Variants in TPO observed in about 807,000 individuals in gnomAD.
TPO encodes the protein thyroid peroxidase, also known as thyroid microsomal antigen.
A neutral mutation model predicts 96.9 loss-of-function variants in TPO; 78 were observed. The observed-to-expected ratio is 0.81, with a 90% confidence interval of 0.67 to 0.97. The LOEUF (loss-of-function observed/expected upper bound fraction) is 0.97, where lower values mean the gene tolerates loss of function less well. Among genes scored for constraint, TPO ranks in the 50% least tolerant of loss-of-function variants. The probability of loss-of-function intolerance (pLI) is 0.00; values close to 1 mark genes in which losing one functional copy is unlikely to be tolerated. For missense variants in TPO, 1,252 were observed against 1,274.8 expected (o/e 0.98, Z 0.27); for synonymous variants, 547 against 538.0 (o/e 1.02, Z -0.23).
At chr2:1,378,604 G>A (rs1266044117) in intron 1 of TPO, among the ~76,000 whole-genome samples, 2 of 152,338 alleles carry the variant, frequency 1.3e-5, no homozygotes, top group African/African-American at 4.8e-5. Context: ...GCCCAGGCTC[G>A]GCCAGGGCTG....
At position 1,543,630 on chromosome 2, in the gene TPO, T is replaced by C. The variant is rs1572067892; in HGVS notation, c.*1156T>C. ...GTTCCCAAACTCTTAGTTTTGTTCATGTAAAACTCATGATTTCATAATTAA... is the reference window on the plus strand; with the variant it reads ...GTTCCCAAACTCTTAGTTTTGTTCACGTAAAACTCATGATTTCATAATTAA... On this transcript the variant is annotated 3_prime_UTR_variant, in exon 17 of 17. Transcript: ENST00000329066. 6.6e-6 allele frequency: 1 copy of C among 152,204 alleles called. No individual in the cohort carries two copies. The highest frequency in any genetic ancestry group is 2.1e-4 in the South Asian group (1 of 4,828). The allele number at this position is 152,204 out of a possible 1,614,324, so 9.4% of individuals were successfully genotyped here.
Position 1,480,437 on chromosome 2 carries a change from T to C in TPO, c.1338+2833T>C, listed in dbSNP as rs765129793. Among the ~76,000 whole-genome samples, 16 of 152,052 alleles carry C rather than the reference T, an allele frequency of 1.1e-4. No homozygotes were observed. In the South Asian group the frequency reaches 1.2e-3, roughly 12 times the overall value. On this transcript the variant is annotated intron_variant, in intron 8 of 16. Coordinates refer to ENST00000329066, the MANE Select transcript of TPO (RefSeq NM_001206744.2). The stretch of plus-strand genomic sequence containing the variant: ...TCTCCCTGGTTCTACCGACTCGTAG[T>C]TTGGTAACTTTGTAATCTGAATCTC...
intron 10 of TPO, among the ~76,000 whole-genome samples, chr2:1,493,210 G>C (rs528877276): frequency 4.6e-5 from 3 of 65,232 alleles, no homozygotes; most frequent in Non-Finnish European, 6.2e-5. Context: ...GTGAGTGGGT[G>C]GGGGGGGGGG....
At chr2:1,497,069 G>T (rs990346209) in intron 13 of TPO, among the ~76,000 whole-genome samples, 1 of 152,150 alleles carries the variant, frequency 6.6e-6, no homozygotes, top group Non-Finnish European at 1.5e-5. Flanking sequence ...TCGCAGGGGC[G>T]CTTTCTCAAA....
At chr2:1,449,545 A>G (rs1320968179) in intron 5 of TPO, among the ~76,000 whole-genome samples, 1 of 152,226 alleles carries the variant, frequency 6.6e-6, no homozygotes, top group Non-Finnish European at 1.5e-5. Context: ...ACAGTTTGCT[A>G]AAGAACAAAT....
chr2:1,504,638 G>A (rs559344668), intron 14 of TPO, among the ~76,000 whole-genome samples: 6 of 152,310 alleles, frequency 3.9e-5, no homozygotes, highest in African/African-American at 1.2e-4. Flanking sequence ...CTGCCTCCAA[G>A]CCAGGTGCCA....
chr2:1,445,999 C>T (rs1020313040), intron 5 of TPO, among the ~76,000 whole-genome samples: 1 of 152,168 alleles, frequency 6.6e-6, no homozygotes, highest in Non-Finnish European at 1.5e-5. Flanking sequence ...TAGAATCCAT[C>T]GCCATAGTGA....
intron 1 of TPO, among the ~76,000 whole-genome samples, chr2:1,395,591 C>T (rs533437305): frequency 5.2e-4 from 79 of 152,182 alleles, no homozygotes; most frequent in African/African-American, 1.6e-3. Context: ...GTTTGAGTGT[C>T]GTTAATGAGT....
chr2:1,536,732 C>T, intron 15 of TPO, among the ~76,000 whole-genome samples: 1 of 125,776 alleles, frequency 8.0e-6, no homozygotes, highest in Non-Finnish European at 1.7e-5. Flanking sequence ...CTCAAATCCC[C>T]ACCACTCTGT....
intron 16 of TPO, chr2:1,541,872 T>A (rs2125361603): frequency 6.5e-6 from 1 of 154,902 alleles, no homozygotes; most frequent in South Asian, 2.0e-4. Context: ...CCTTCTGAAA[T>A]TCAGTGTGAG....
At chr2:1,438,902 C>T (rs1459400723) in intron 5 of TPO, 5 of 711,446 alleles carry the variant, frequency 7.0e-6, no homozygotes, top group African/African-American at 1.8e-5. Flanking sequence ...CCAAATAATG[C>T]GAAACTGAAG....
At chr2:1,433,657 A>T in intron 4 of TPO, 50 bp downstream of exon 4, 1 of 1,589,928 alleles carries the variant, frequency 6.3e-7, no homozygotes, top group Non-Finnish European at 8.6e-7. Context: ...CCGAAGGAGG[A>T]CACCTTGACT....
At chr2:1,541,192 T>TGAACTGAGAGAAGC (rs1572061662) in intron 16 of TPO, 1 of 1,170,450 alleles carries the variant, frequency 8.5e-7, no homozygotes, top group Non-Finnish European at 1.1e-6. Context: ...GTCTGACTTT[T>TGAACTGAGAGAAGC]GAACTGAGAG....
intron 2 of TPO, among the ~76,000 whole-genome samples, chr2:1,418,779 C>CT (rs1663210606): frequency 6.6e-6 from 1 of 152,226 alleles, no homozygotes; most frequent in Non-Finnish European, 1.5e-5. Flanking sequence ...GAGGCGCTGC[C>CT]TGCAGCCTGG....
intron 1 of TPO, among the ~76,000 whole-genome samples, chr2:1,394,452 G>A (rs1222822106): frequency 1.3e-5 from 2 of 152,230 alleles, no homozygotes; most frequent in Non-Finnish European, 1.5e-5. Flanking sequence ...GGATGGGGAA[G>A]GCTGGATTCT....
At chr2:1,529,900 TC>T in intron 15 of TPO, among the ~76,000 whole-genome samples, 17 of 101,576 alleles carry the variant, frequency 1.7e-4, no homozygotes, top group East Asian at 1.0e-3. Context: ...TCCCTCCCAC[TC>T]TGTGCAAACT....
At chr2:1,496,851 G>C (rs530250344) in intron 13 of TPO, 86 bp downstream of exon 13, 69 of 1,588,188 alleles carry the variant, frequency 4.3e-5, no homozygotes, top group Non-Finnish European at 5.6e-5. Context: ...AAATTTCTTC[G>C]CCAAAAGGTG....
At chr2:1,481,925 G>A (rs941963943) in intron 8 of TPO, among the ~76,000 whole-genome samples, 2 of 152,146 alleles carry the variant, frequency 1.3e-5, no homozygotes, top group Non-Finnish European at 2.9e-5. Flanking sequence ...AAGCCCAGGT[G>A]CGCCATGCTG....
At chr2:1,492,394 A>G (rs183215309) in intron 10 of TPO, among the ~76,000 whole-genome samples, 252 of 152,272 alleles carry the variant, frequency 1.7e-3, no homozygotes, top group Middle Eastern at 3.4e-3. Context: ...ACCTCAGGCA[A>G]TCCGCCCGCC....
Sources: gnomAD v4.1 joint callset for allele counts (sites outside exome capture counted in the v4.1 genomes callset) on GRCh38, gnomAD v4.1.1 for gene constraint, MANE v1.5 for transcripts, NCBI Gene and HGNC (gene_info 2026-07-23, HGNC 2026-07-21) for gene names.